The following PRKCQ variants were observed in gnomAD, a reference collection of about 807,000 sequenced individuals.
PRKCQ encodes the protein protein kinase C theta type.
PRKCQ carries 41 observed loss-of-function variants against 91.2 expected under a neutral mutation model. That is an observed-to-expected ratio of 0.45 (90% CI 0.35 to 0.58). The LOEUF is 0.58. PRKCQ is among the 20% of genes least tolerant of loss of function. The pLI, the probability that PRKCQ is intolerant of heterozygous loss-of-function variation, is 0.00. For missense variants in PRKCQ, 673 were observed against 896.5 expected (o/e 0.75, Z 3.18); for synonymous variants, 307 against 316.9 (o/e 0.97, Z 0.33).
chr10:6,555,988 A>G (rs1023558356), intron 1 of PRKCQ, among the ~76,000 whole-genome samples: 2 of 152,178 alleles, frequency 1.3e-5, no homozygotes, highest in Admixed American at 6.5e-5. Flanking sequence ...AAGCCTGGGT[A>G]ACAGAGCGAG....
chr10:6,535,853 T>C (rs991193546), intron 1 of PRKCQ, among the ~76,000 whole-genome samples: 1 of 152,178 alleles, frequency 6.6e-6, no homozygotes, highest in Non-Finnish European at 1.5e-5. Context: ...TGTCACTCAT[T>C]TTAAGCTGAC....
chr10:6,561,469 G>T (rs924559023), intron 1 of PRKCQ, among the ~76,000 whole-genome samples: 3 of 151,486 alleles, frequency 2.0e-5, no homozygotes, highest in Admixed American at 2.0e-4. Flanking sequence ...TGTGCTTCAG[G>T]ACCCTGTCAA....
At chr10:6,399,924 C>T in the PRKCQ span, among the ~76,000 whole-genome samples, 3 of 151,968 alleles carry the variant, frequency 2.0e-5, no homozygotes, top group Admixed American at 6.6e-5. Context: ...TGGCATCAAT[C>T]GGGGGTTGGG....
At chr10:6,481,376 A>G (rs1588729111) in intron 11 of PRKCQ, among the ~76,000 whole-genome samples, 1 of 152,284 alleles carries the variant, frequency 6.6e-6, no homozygotes, top group African/African-American at 2.4e-5. Flanking sequence ...GAAGCCAAAA[A>G]GACAATTTCC....
Position 6,542,030 on chromosome 10 carries a change from C to T in PRKCQ, c.-9-26886G>A, listed in dbSNP as rs938877111. 6.6e-5 allele frequency among the ~76,000 whole-genome samples: 10 copies of T among 152,342 alleles called. No individual in the cohort carries two copies. The East Asian group carries it at 7.7e-4, about 12-fold the overall frequency. ...GGAAAGCAACCACACCTTCTCAACACGTTCCTCAACTCTGTCAGAGGCAGA... is the reference window on the plus strand; with the variant it reads ...GGAAAGCAACCACACCTTCTCAACATGTTCCTCAACTCTGTCAGAGGCAGA... On this transcript the variant is annotated intron_variant, in intron 1 of 17. Coordinates refer to ENST00000263125, the MANE Select transcript of PRKCQ (RefSeq NM_006257.5).
intron 12 of PRKCQ, among the ~76,000 whole-genome samples, chr10:6,464,735 G>A (rs629229): frequency 0.98 from 149,365 of 152,358 alleles, 73,288 homozygotes; most frequent in East Asian, 1. Flanking sequence ...GGCGTGAGCC[G>A]CCATACCCAG....
chr10:6,466,042 C>T (rs550051198), intron 12 of PRKCQ, among the ~76,000 whole-genome samples: 2 of 152,330 alleles, frequency 1.3e-5, no homozygotes, highest in South Asian at 4.1e-4. Context: ...CAGCTTTTTA[C>T]TCAAACTATA....
intron 12 of PRKCQ, among the ~76,000 whole-genome samples, chr10:6,472,885 G>C (rs1836066763): frequency 6.6e-6 from 1 of 152,022 alleles, no homozygotes; most frequent in Non-Finnish European, 1.5e-5. Flanking sequence ...GCTAATTTTT[G>C]TATTTTTAGT....
chr10:6,522,878 A>G (rs1002676088), intron 1 of PRKCQ, among the ~76,000 whole-genome samples: 1 of 152,256 alleles, frequency 6.6e-6, no homozygotes, highest in Non-Finnish European at 1.5e-5. Context: ...TTTGGTAAAC[A>G]TCAATTCAGA....
At chr10:6,477,094 C>A (rs568478358) in intron 12 of PRKCQ, among the ~76,000 whole-genome samples, 1 of 152,358 alleles carries the variant, frequency 6.6e-6, no homozygotes, top group South Asian at 2.1e-4. Context: ...GGACACCTCA[C>A]TCTTTTCTAC....
intron 16 of PRKCQ, among the ~76,000 whole-genome samples, chr10:6,435,420 C>T (rs1378271544): frequency 1.3e-5 from 2 of 152,184 alleles, no homozygotes; most frequent in Non-Finnish European, 2.9e-5. Flanking sequence ...AATGTGGGGG[C>T]TGTTGGATCA....
rs1214734762 is a variant in PRKCQ at position 6,497,005 on chromosome 10, T to C, written c.660+30A>G. The stretch of plus-strand genomic sequence containing the variant: ...CATTTAACGTTCTGATAAAAATCAC[T>C]GCACGTCAAAGAGGAGTGTAAATAC... On this transcript the variant is annotated intron_variant, in intron 7 of 17. Coordinates refer to ENST00000263125, the MANE Select transcript of PRKCQ (RefSeq NM_006257.5). This position sits in a 1 kb window ranked among gnomAD's most constrained non-coding sequence, Gnocchi z 4.5. The C allele has an allele frequency of 3.2e-6, 5 of 1,580,834 alleles. No homozygotes were observed. The highest frequency in any genetic ancestry group is 4.3e-6 in the Non-Finnish European group (5 of 1,151,770).
At chr10:6,479,848 G>A (rs569698541) in intron 11 of PRKCQ, among the ~76,000 whole-genome samples, 4 of 151,594 alleles carry the variant, frequency 2.6e-5, no homozygotes, top group African/African-American at 9.7e-5. Context: ...AGCTACTCGG[G>A]AGGCTGAGGT....
chr10:6,486,189 CT>C (rs766881910), intron 8 of PRKCQ, 45 bp from the exon 9 acceptor site: 1 of 1,510,372 alleles, frequency 6.6e-7, no homozygotes, highest in South Asian at 1.1e-5. Flanking sequence ...GAAGAACCCC[CT>C]GGTGCTAAAC....
chr10:6,490,687 G>A (rs1413090467), intron 8 of PRKCQ, among the ~76,000 whole-genome samples: 1 of 152,106 alleles, frequency 6.6e-6, no homozygotes, highest in Admixed American at 6.5e-5. Flanking sequence ...CAAGTCTGCA[G>A]TGAGCTGTGA....
chr10:6,540,206 A>G (rs887553617), intron 1 of PRKCQ, among the ~76,000 whole-genome samples: 4 of 152,196 alleles, frequency 2.6e-5, no homozygotes, highest in African/African-American at 7.2e-5. Flanking sequence ...GTCTATGTTT[A>G]ATAACCTTTT....
the PRKCQ span, among the ~76,000 whole-genome samples, chr10:6,404,666 TTC>T: frequency 1.1e-4 from 17 of 149,390 alleles, no homozygotes; most frequent in African/African-American, 2.7e-4. Flanking sequence ...CTCTTTTTCT[TTC>T]TCTCTTTCCT....
intron 8 of PRKCQ, among the ~76,000 whole-genome samples, chr10:6,487,805 C>A (rs1837014788): frequency 6.6e-6 from 1 of 151,992 alleles, no homozygotes; most frequent in African/African-American, 2.4e-5. Flanking sequence ...TGAGAGCAGC[C>A]TGGCCAACAT....
At chr10:6,468,549 A>G (rs897843306) in intron 12 of PRKCQ, among the ~76,000 whole-genome samples, 1 of 152,230 alleles carries the variant, frequency 6.6e-6, no homozygotes, top group Non-Finnish European at 1.5e-5. Context: ...CTTGGCAAAT[A>G]TCATGCAAAT....
Sources: gnomAD v4.1 joint callset for allele counts (sites outside exome capture counted in the v4.1 genomes callset) on GRCh38, gnomAD v4.1.1 for gene constraint, Gnocchi (gnomAD v3.1) non-coding constraint, MANE v1.5 for transcripts, NCBI Gene and HGNC (gene_info 2026-07-23, HGNC 2026-07-21) for gene names.